The following RCL1 variants were observed in gnomAD, a reference collection of about 807,000 sequenced individuals.
The protein encoded by RCL1 is RNA 3'-terminal phosphate cyclase-like protein.
RCL1 carries 24 observed loss-of-function variants against 42.4 expected under a neutral mutation model. The ratio of observed to expected loss-of-function variants is 0.57; its 90% confidence interval spans 0.41 to 0.80. The LOEUF is 0.80. RCL1 is among the 30% of genes least tolerant of loss of function. The pLI is 0.00. For synonymous variants in RCL1, 228 were observed against 177.3 expected, an observed-to-expected ratio of 1.29 and a Z score of -2.27; for missense variants, 578 against 467.9, an observed-to-expected ratio of 1.24 and a Z score of -2.17.
At chr9:4,856,654 G>C (rs1053327392) in intron 8 of RCL1, among the ~76,000 whole-genome samples, 5 of 152,190 alleles carry the variant, frequency 3.3e-5, no homozygotes, top group Admixed American at 3.3e-4. Flanking sequence ...GGGAAAGATC[G>C]TTTGGGGTAG....
intron 6 of RCL1, among the ~76,000 whole-genome samples, chr9:4,841,656 C>G (rs982016030): frequency 6.6e-6 from 1 of 152,010 alleles, no homozygotes; most frequent in Non-Finnish European, 1.5e-5. Flanking sequence ...CACTCTGTTC[C>G]AACAAAAAAA....
chr9:4,836,099 C>T (rs765184185), intron 5 of RCL1, among the ~76,000 whole-genome samples: 5 of 152,080 alleles, frequency 3.3e-5, no homozygotes, highest in African/African-American at 1.2e-4. Context: ...CACAGGGGAG[C>T]ATCATAACTG....
intron 1 of RCL1, among the ~76,000 whole-genome samples, chr9:4,819,149 G>A (rs1587706936): frequency 2.6e-5 from 4 of 152,316 alleles, no homozygotes; most frequent in Admixed American, 2.6e-4. Context: ...TAGAGCAGGG[G>A]TCCTCAACCC....
At chr9:4,813,320 G>T (rs1200063416) in intron 1 of RCL1, among the ~76,000 whole-genome samples, 1 of 152,062 alleles carries the variant, frequency 6.6e-6, no homozygotes, top group African/African-American at 2.4e-5. Flanking sequence ...AATCTACAAA[G>T]AACTTAAACA....
chr9:4,846,720 T>C (rs551089960), intron 7 of RCL1, among the ~76,000 whole-genome samples: 75 of 152,224 alleles, frequency 4.9e-4, no homozygotes, highest in Non-Finnish European at 9.9e-4. Flanking sequence ...CTAATAGACC[T>C]TGGGAGAATT....
chr9:4,848,809 GA>G (rs1401130822), intron 7 of RCL1, among the ~76,000 whole-genome samples: 1 of 152,092 alleles, frequency 6.6e-6, no homozygotes, highest in Non-Finnish European at 1.5e-5. Flanking sequence ...GAAAGGGAAG[GA>G]AAAGGGGGTG....
chr9:4,840,877 G>A (rs1270231), intron 5 of RCL1, among the ~76,000 whole-genome samples: 139,594 of 151,996 alleles, frequency 0.92, 64,296 homozygotes, highest in East Asian at 1. Context: ...TAGGTGTTGT[G>A]CTTCAGAGGG....
At chr9:4,816,911 G>C (rs1423636757) in intron 1 of RCL1, among the ~76,000 whole-genome samples, 1 of 152,140 alleles carries the variant, frequency 6.6e-6, no homozygotes, top group Non-Finnish European at 1.5e-5. Context: ...CTGCCTCCCA[G>C]GTTCACGCCA....
chr9:4,838,804 G>T (rs1163868864), intron 5 of RCL1, among the ~76,000 whole-genome samples: 1 of 152,220 alleles, frequency 6.6e-6, no homozygotes, highest in East Asian at 1.9e-4. Flanking sequence ...GCTTTCATCA[G>T]ATTCTCAGAG....
rs1411051797 is a variant in RCL1, at chr9:4,844,570, C to T, written c.756C>T (p.Gly252=). ...GLSLVAETTS[G]TFLSAELASN... is the part of the protein sequence containing the mutation. Reference sequence around the variant, plus strand: ...CACTGGTTGCTGAGACCACCAGTGGCACCTTCCTCAGTGCTGAACTGGCCT... The same window carrying T: ...CACTGGTTGCTGAGACCACCAGTGGTACCTTCCTCAGTGCTGAACTGGCCT... Residue 252 remains glycine (G), a synonymous_variant, in exon 7 of 9, where the codon GGC becomes GGT. Coordinates refer to ENST00000381750, the MANE Select transcript of RCL1 (RefSeq NM_005772.5). 4 of 1,613,644 alleles carry T rather than the reference C, an allele frequency of 2.5e-6. No homozygotes were observed. The East Asian group carries it at 6.7e-5, about 27-fold the overall frequency.
At chr9:4,799,106 C>T (rs1480819577) in intron 1 of RCL1, among the ~76,000 whole-genome samples, 1 of 116,920 alleles carries the variant, frequency 8.6e-6, no homozygotes, top group Non-Finnish European at 1.7e-5. Context: ...CCTCTCCTTC[C>T]TCTTTTTCTC....
intron 1 of RCL1, among the ~76,000 whole-genome samples, chr9:4,816,827 A>AT (rs1171069088): frequency 6.6e-6 from 1 of 151,868 alleles, no homozygotes; most frequent in Non-Finnish European, 1.5e-5. Flanking sequence ...AATAATTGTT[A>AT]TTTTTTTGAG....
chr9:4,856,148 G>GA (rs1445910870), intron 8 of RCL1, among the ~76,000 whole-genome samples: 9 of 152,198 alleles, frequency 5.9e-5, no homozygotes, highest in African/African-American at 2.2e-4. Flanking sequence ...GCCGCCAGCT[G>GA]GAAGCTTTGC....
intron 3 of RCL1, chr9:4,827,444 C>G (rs1010325500): frequency 4.9e-6 from 2 of 404,772 alleles, no homozygotes; most frequent in Admixed American, 4.2e-5. Flanking sequence ...ACAGCGTAAT[C>G]TTGACTTACC....
At position 4,814,293 on chromosome 9, in the gene RCL1, T is replaced by G. The variant is rs545369737; in HGVS notation, c.137-9255T>G. The stretch of plus-strand genomic sequence containing the variant: ...GAGGGGGTTTTGAAATTTAAAAAAA[T>G]TTTTTTTAGAGATAGGGTCTGACTT... On this transcript the variant is annotated intron_variant, in intron 1 of 8. Coordinates refer to ENST00000381750, the MANE Select transcript of RCL1 (RefSeq NM_005772.5). 1.6e-3 allele frequency among the ~76,000 whole-genome samples: 245 copies of G among 150,658 alleles called. 1 individual carries two copies. Among genetic ancestry groups the G allele is most frequent in the Admixed American group, 3.7e-3 (55 of 14,900 alleles).
chr9:4,849,511 A>G lies in RCL1; in HGVS notation c.932A>G (p.Asp311Gly). ...CTACTCATGACCCTTGGACAGCAGG[A>G]TGTTTCCAAAGTCCTGCTAGGCCCT... ...ALLLMTLGQQ[D>G]VSKVLLGPLS... The change falls in exon 8 of 9, where the codon GAT becomes GGT. Residue 311 changes from aspartate (D) to glycine (G), a missense_variant. By Grantham distance (94) the Asp-to-Gly change is moderately conservative (BLOSUM62 -1). Coordinates refer to ENST00000381750, the MANE Select transcript of RCL1 (RefSeq NM_005772.5). 1 of 1,613,718 alleles carries G rather than the reference A, an allele frequency of 6.2e-7. No homozygotes were observed.
At chr9:4,804,446 G>C (rs1260460097) in intron 1 of RCL1, 2 of 152,320 alleles carry the variant, frequency 1.3e-5, no homozygotes, top group African/African-American at 2.4e-5. Flanking sequence ...CGTTCCCAGG[G>C]GCACTCCTTG....
At chr9:4,859,106 T>C (rs172447) in intron 8 of RCL1, among the ~76,000 whole-genome samples, 40,964 of 152,148 alleles carry the variant, frequency 0.27, 13,849 homozygotes, top group African/African-American at 0.8. Flanking sequence ...ATGGTCAGGC[T>C]AGCTGGGGTG....
intron 5 of RCL1, among the ~76,000 whole-genome samples, chr9:4,835,716 C>G (rs1170269338): frequency 6.6e-6 from 1 of 152,212 alleles, no homozygotes; most frequent in Non-Finnish European, 1.5e-5. Flanking sequence ...GGTGCCGACG[C>G]CGGCTGCGCC....
Sources: gnomAD v4.1 joint callset for allele counts (sites outside exome capture counted in the v4.1 genomes callset) on GRCh38, gnomAD v4.1.1 for gene constraint, MANE v1.5 for transcripts, NCBI Gene and HGNC (gene_info 2026-07-23, HGNC 2026-07-21) for gene names.